Variants in STAG1 observed in about 807,000 individuals in gnomAD.
STAG1 encodes cohesin subunit SA-1.
Under a neutral mutation model 170.9 loss-of-function variants are expected in STAG1, and 26 were observed. The ratio of observed to expected loss-of-function variants is 0.15; its 90% CI spans 0.11 to 0.21. STAG1 has a LOEUF of 0.21. Ranked by LOEUF, STAG1 falls within the 10% of genes least tolerant of loss-of-function variation. STAG1 has a pLI of 1.00. For missense variants in STAG1, 964 were observed against 1,509.5 expected (o/e 0.64, Z 5.99); for synonymous variants, 514 against 497.7 (o/e 1.03, Z -0.44).
At chr3:136,714,969 T>A (rs1233995756) in intron 1 of STAG1, among the ~76,000 whole-genome samples, 2 of 108,448 alleles carry the variant, frequency 1.8e-5, no homozygotes, top group Non-Finnish European at 4.1e-5. Context: ...ATATATTTTA[T>A]ATATATATTT....
At chr3:136,621,892 T>C (rs1939866983) in intron 3 of STAG1, among the ~76,000 whole-genome samples, 1 of 151,508 alleles carries the variant, frequency 6.6e-6, no homozygotes, top group Admixed American at 6.6e-5. Flanking sequence ...AACTAGATTT[T>C]AAATGTTCAT....
At chr3:136,652,076 T>C (rs1298079583) in intron 1 of STAG1, among the ~76,000 whole-genome samples, 1 of 152,188 alleles carries the variant, frequency 6.6e-6, no homozygotes, top group African/African-American at 2.4e-5. Context: ...AAGGCCTTCT[T>C]GTGCATAAAA....
At chr3:136,463,939 A>G (rs1378693410) in intron 13 of STAG1, among the ~76,000 whole-genome samples, 1 of 148,900 alleles carries the variant, frequency 6.7e-6, no homozygotes, top group African/African-American at 2.5e-5. Flanking sequence ...TGATTTAAAG[A>G]ATGAGTTAAT....
At chr3:136,703,246 G>A (rs1322898150) in intron 1 of STAG1, among the ~76,000 whole-genome samples, 3 of 152,118 alleles carry the variant, frequency 2.0e-5, no homozygotes, top group Non-Finnish European at 2.9e-5. Flanking sequence ...CCATGAGTGG[G>A]CAGGATGAAG....
intron 7 of STAG1, among the ~76,000 whole-genome samples, chr3:136,512,109 A>T (rs1219634720): frequency 1.0e-4 from 15 of 150,554 alleles, no homozygotes; most frequent in Non-Finnish European, 1.9e-4. Context: ...AAAAAAAAAA[A>T]AAAAAAAAAA....
chr3:136,638,796 G>C (rs1940682144), intron 1 of STAG1, among the ~76,000 whole-genome samples: 1 of 152,042 alleles, frequency 6.6e-6, no homozygotes, highest in Non-Finnish European at 1.5e-5. Flanking sequence ...TAACTACTCG[G>C]GAAGCTGAGG....
At chr3:136,496,885 C>T (rs933682921) in intron 9 of STAG1, among the ~76,000 whole-genome samples, 1 of 149,430 alleles carries the variant, frequency 6.7e-6, no homozygotes, top group Non-Finnish European at 1.5e-5. Flanking sequence ...AAGAGAAAAG[C>T]GGGAAGGAAG....
intron 1 of STAG1, among the ~76,000 whole-genome samples, chr3:136,716,513 G>C (rs561529159): frequency 6.6e-6 from 1 of 152,294 alleles, no homozygotes; most frequent in African/African-American, 2.4e-5. Context: ...AGGCACGCTG[G>C]CTCATGCTTG....
chr3:136,733,140 A>G, intron 1 of STAG1, among the ~76,000 whole-genome samples: 1 of 143,528 alleles, frequency 7.0e-6, no homozygotes, highest in African/African-American at 2.6e-5. Context: ...GCTGGAGTGC[A>G]GCGGCATCAT....
At chr3:136,547,838 G>A (rs1040512647) in intron 5 of STAG1, among the ~76,000 whole-genome samples, 1 of 152,144 alleles carries the variant, frequency 6.6e-6, no homozygotes, top group African/African-American at 2.4e-5. Context: ...CTAAGAGTCG[G>A]TAAGTTTCAG....
intron 1 of STAG1, among the ~76,000 whole-genome samples, chr3:136,702,458 C>T (rs867743581): frequency 1.3e-5 from 2 of 152,096 alleles, no homozygotes; most frequent in African/African-American, 4.8e-5. Flanking sequence ...GCGATCTCGG[C>T]TCACCGCAAC....
intron 22 of STAG1, among the ~76,000 whole-genome samples, chr3:136,386,697 T>C (rs1352711792): frequency 6.7e-6 from 1 of 149,050 alleles, no homozygotes; most frequent in East Asian, 1.9e-4. Context: ...ACCTAGCTAA[T>C]TTTTTTTTTG....
intron 4 of STAG1, among the ~76,000 whole-genome samples, chr3:136,600,070 A>G (rs1371610803): frequency 6.6e-6 from 1 of 152,230 alleles, no homozygotes; most frequent in African/African-American, 2.4e-5. Flanking sequence ...GGTGTCAGTT[A>G]TAAGAATTAT....
chr3:136,656,568 CAATA>C (rs1291638223), intron 1 of STAG1, among the ~76,000 whole-genome samples: 4 of 147,540 alleles, frequency 2.7e-5, no homozygotes, highest in African/African-American at 1.0e-4. Flanking sequence ...CACAAAACAA[CAATA>C]TATATAAGAA....
intron 6 of STAG1, among the ~76,000 whole-genome samples, chr3:136,530,200 TATGCACCCAACAGTG>T (rs1349446401): frequency 6.6e-6 from 1 of 152,194 alleles, no homozygotes; most frequent in Non-Finnish European, 1.5e-5. Flanking sequence ...TTTTAGTATA[TATGCACCCAACAGTG>T]GAGCATCCAG....
intron 29 of STAG1, among the ~76,000 whole-genome samples, chr3:136,345,432 T>G (rs1560046884): frequency 6.6e-6 from 1 of 150,788 alleles, no homozygotes; most frequent in Non-Finnish European, 1.5e-5. Flanking sequence ...TTACAAACTG[T>G]CCTGATAAAA....
Position 136,400,582 on chromosome 3 carries a change from C to T in STAG1, c.2197-1753G>A, listed in dbSNP as rs570936856. ...ACGAAGTCTCGCTTTGTTGCCCAGG[C>T]GGGAGTGCAATGGCACTGTCTCGGC... On this transcript the variant is annotated intron_variant, in intron 21 of 33. Transcript: ENST00000383202. 1.2e-4 allele frequency among the ~76,000 whole-genome samples: 18 copies of T among 151,410 alleles called. No homozygotes were observed. The East Asian group carries it at 1.6e-3, about 13-fold the overall frequency.
rs1284686785 is a variant in STAG1 at position 136,383,280 on chromosome 3, G to A, written c.2278-5528C>T. Among the ~76,000 whole-genome samples the A allele has an allele frequency of 3.3e-5, 5 of 152,016 alleles. No individual in the cohort carries two copies. In the East Asian group the frequency reaches 9.7e-4, roughly 29 times the overall value. ...TTAAAGAACAATAGATAATATTCAA[G>A]AGAAAAAGAAAAAGAAATATAAAAA... On this transcript the variant is annotated intron_variant, in intron 22 of 33. Transcript: ENST00000383202.
At chr3:136,372,363 G>A (rs924245110) in intron 23 of STAG1, among the ~76,000 whole-genome samples, 16 of 152,174 alleles carry the variant, frequency 1.1e-4, no homozygotes, top group East Asian at 5.8e-4. Context: ...CTGACTGCCC[G>A]GACCAGAACT....
Sources: gnomAD v4.1 joint callset for allele counts (sites outside exome capture counted in the v4.1 genomes callset) on GRCh38, gnomAD v4.1.1 for gene constraint, MANE v1.5 for transcripts, NCBI Gene and HGNC (gene_info 2026-07-23, HGNC 2026-07-21) for gene names.